SENP7: variants seen among roughly 807,000 people sequenced by gnomAD.
SENP7 encodes sentrin-specific protease 7.
Under a neutral mutation model 141.2 loss-of-function variants are expected in SENP7, and 64 were observed. The observed-to-expected ratio is 0.45, with a 90% confidence interval of 0.37 to 0.56. The LOEUF is 0.56. Among genes scored for constraint, SENP7 ranks in the 20% least tolerant of loss-of-function variants. The probability of loss-of-function intolerance (pLI) is 0.00; values close to 1 mark genes in which losing one functional copy is unlikely to be tolerated. For missense variants in SENP7, 1,025 were observed against 1,212.2 expected (o/e 0.85, Z 2.29); for synonymous variants, 382 against 426.4 (o/e 0.90, Z 1.28).
chr3:101,408,738 A>G (rs2061374018), intron 5 of SENP7, among the ~76,000 whole-genome samples: 1 of 152,202 alleles, frequency 6.6e-6, no homozygotes, highest in South Asian at 2.1e-4. Context: ...GCATCTCTTT[A>G]TGATTAAAAC....
intron 1 of SENP7, among the ~76,000 whole-genome samples, chr3:101,512,768 G>A (rs554961607): frequency 1.3e-5 from 2 of 152,298 alleles, no homozygotes; most frequent in East Asian, 1.9e-4. Context: ...GTGGAATTAC[G>A]AGGAAGGCGT....
chr3:101,367,500 G>C (rs2060067771), intron 8 of SENP7, among the ~76,000 whole-genome samples: 1 of 151,726 alleles, frequency 6.6e-6, no homozygotes, highest in Admixed American at 6.6e-5. Flanking sequence ...AAAATGACTA[G>C]ACAGTATGAA....
chr3:101,365,634 CAAAAAAAAAA>C (rs1010380283), intron 9 of SENP7, among the ~76,000 whole-genome samples: 8 of 62,134 alleles, frequency 1.3e-4, no homozygotes, highest in African/African-American at 4.4e-4. Context: ...GACTCTGTCT[CAAAAAAAAAA>C]AAAAAAAAAA....
intron 4 of SENP7, among the ~76,000 whole-genome samples, chr3:101,455,746 G>C (rs1389216283): frequency 6.6e-6 from 1 of 152,094 alleles, no homozygotes; most frequent in Non-Finnish European, 1.5e-5. Flanking sequence ...CATTCCTGTT[G>C]TTTTGAACCA....
chr3:101,431,142 A>G (rs1418543575), intron 4 of SENP7, among the ~76,000 whole-genome samples: 1 of 152,216 alleles, frequency 6.6e-6, no homozygotes, highest in Non-Finnish European at 1.5e-5. Context: ...GGTGCTGAGA[A>G]GAATGTATAT....
At chr3:101,488,637 T>C (rs543922117) in intron 3 of SENP7, among the ~76,000 whole-genome samples, 1 of 152,256 alleles carries the variant, frequency 6.6e-6, no homozygotes, top group South Asian at 2.1e-4. Flanking sequence ...AGCTCAGAAG[T>C]TCGAGACCAG....
chr3:101,360,644 T>C (rs2059870914), intron 11 of SENP7, among the ~76,000 whole-genome samples: 1 of 152,190 alleles, frequency 6.6e-6, no homozygotes, highest in Non-Finnish European at 1.5e-5. Flanking sequence ...GAAACATTTA[T>C]GGAAGCTATA....
intron 10 of SENP7, among the ~76,000 whole-genome samples, chr3:101,362,279 T>C (rs1461084431): frequency 1.3e-5 from 2 of 152,190 alleles, no homozygotes; most frequent in Non-Finnish European, 2.9e-5. Context: ...TAGGCAGGTT[T>C]TTCAGTTTCC....
At chr3:101,370,128 T>C (rs552527361) in intron 7 of SENP7, among the ~76,000 whole-genome samples, 1 of 152,330 alleles carries the variant, frequency 6.6e-6, no homozygotes, top group South Asian at 2.1e-4. Context: ...TCCCTACCAG[T>C]AGTGGTACCT....
rs188030865 is a variant in SENP7 at position 101,442,098 on chromosome 3, A to G, written c.284+16857T>C. Among the ~76,000 whole-genome samples the G allele has an allele frequency of 4.4e-3, 672 of 152,352 alleles. 7 individuals are homozygous for G. The highest frequency in any genetic ancestry group is 6.8e-3 in the Middle Eastern group (2 of 294). On this transcript the variant is annotated intron_variant, in intron 4 of 23. Coordinates refer to ENST00000394095, the MANE Select transcript of SENP7 (RefSeq NM_020654.5). ...AAGAAACAACTGTCACACCAGATGC[A>G]TGGATATCAACATAAGAACATAAGA...
chr3:101,439,994 A>AG (rs2062590377), intron 4 of SENP7, among the ~76,000 whole-genome samples: 18 of 75,784 alleles, frequency 2.4e-4, no homozygotes, highest in Non-Finnish European at 3.8e-4. Flanking sequence ...CTGGGAGGTG[A>AG]GGGGCGCCTC....
intron 1 of SENP7, among the ~76,000 whole-genome samples, chr3:101,510,188 A>G (rs1425435019): frequency 2.0e-5 from 3 of 152,236 alleles, no homozygotes; most frequent in Non-Finnish European, 4.4e-5. Flanking sequence ...CAGACACTTT[A>G]TCATTCAACT....
At chr3:101,477,908 A>C (rs1425806408) in intron 3 of SENP7, among the ~76,000 whole-genome samples, 1 of 151,966 alleles carries the variant, frequency 6.6e-6, no homozygotes, top group Non-Finnish European at 1.5e-5. Flanking sequence ...ACTAAAGAAA[A>C]CAGAAAGACT....
intron 3 of SENP7, among the ~76,000 whole-genome samples, chr3:101,484,582 G>C (rs1311824331): frequency 6.6e-6 from 1 of 152,196 alleles, no homozygotes; most frequent in Non-Finnish European, 1.5e-5. Context: ...GTGGGAAAGG[G>C]AGACCTCCCT....
At chr3:101,403,176 T>C (rs1234902165) in intron 5 of SENP7, among the ~76,000 whole-genome samples, 1 of 152,218 alleles carries the variant, frequency 6.6e-6, no homozygotes, top group Non-Finnish European at 1.5e-5. Flanking sequence ...AGTATCACAA[T>C]AAAACACGTC....
At chr3:101,490,128 T>G (rs2064904466) in intron 3 of SENP7, among the ~76,000 whole-genome samples, 1 of 149,926 alleles carries the variant, frequency 6.7e-6, no homozygotes, top group Non-Finnish European at 1.5e-5. Context: ...GAGGTTGTGG[T>G]GAGCCAAGAT....
At position 101,339,497 on chromosome 3, in the gene SENP7, G is replaced by C. The variant is rs960877578; in HGVS notation, c.2357+598C>G. On this transcript the variant is annotated intron_variant, in intron 16 of 23. Coordinates refer to ENST00000394095, the MANE Select transcript of SENP7 (RefSeq NM_020654.5). ...ACTCTTAGGGAGGCCAAGGAGGGCA[G>C]ATCACCTGAGGTCAGGAGTTCAAGA... Among the ~76,000 whole-genome samples the C allele has an allele frequency of 2.0e-5, 3 of 152,198 alleles. No individual in the cohort carries two copies. In the East Asian group the frequency reaches 5.8e-4, roughly 29 times the overall value.
intron 4 of SENP7, among the ~76,000 whole-genome samples, chr3:101,427,030 A>G (rs1374030357): frequency 6.6e-6 from 1 of 152,194 alleles, no homozygotes; most frequent in Non-Finnish European, 1.5e-5. Flanking sequence ...AAAACTTGGC[A>G]GAGACAAAAT....
At chr3:101,411,364 A>G (rs1392663706) in intron 5 of SENP7, among the ~76,000 whole-genome samples, 1 of 152,234 alleles carries the variant, frequency 6.6e-6, no homozygotes, top group Non-Finnish European at 1.5e-5. Context: ...AAATCTTATT[A>G]GATGTTTGCA....
Sources: allele counts gnomAD v4.1 joint callset (sites outside exome capture counted in the v4.1 genomes callset), GRCh38; gene constraint gnomAD v4.1.1; transcripts MANE v1.5; gene names NCBI Gene and HGNC (gene_info 2026-07-23, HGNC 2026-07-21).